ABCG5: variants seen among roughly 807,000 people sequenced by gnomAD.
The protein encoded by ABCG5 is ATP-binding cassette sub-family G member 5.
In ABCG5, 64 loss-of-function variants were observed where a neutral mutation model predicts 64.5. The ratio of observed to expected loss-of-function variants is 0.99; its 90% CI spans 0.81 to 1.22. ABCG5 has a LOEUF of 1.22. ABCG5 is among the 50% of genes most tolerant of loss of function. The pLI is 0.00. For missense variants in ABCG5, 908 were observed against 829.5 expected, an observed-to-expected ratio of 1.09 and a Z score of -1.16; for synonymous variants, 385 against 326.3, an observed-to-expected ratio of 1.18 and a Z score of -1.94.
At chr2:43,810,659 C>T (rs77745263), downstream of ABCG5, 3,776 of 327,312 alleles carry the variant, frequency 0.012, 92 homozygotes, top group African/African-American at 0.061. Flanking sequence ...GATAGCAAGC[C>T]ATCTGCTTAT....
At chr2:43,821,395 C>T (rs999441579) in intron 10 of ABCG5, among the ~76,000 whole-genome samples, 7 of 152,190 alleles carry the variant, frequency 4.6e-5, no homozygotes, top group Non-Finnish European at 8.8e-5. Flanking sequence ...ATGGCTCCAG[C>T]TACCTAATCT....
Position 43,819,969 on chromosome 2 carries a change from C to A in ABCG5, c.1595G>T (p.Ser532Ile). 6.2e-7 allele frequency: 1 copy of A among 1,614,198 alleles called. No homozygotes were observed. Among genetic ancestry groups the A allele is most frequent in the Non-Finnish European group, 8.5e-7 (1 of 1,180,046 alleles). The part of the protein sequence containing the change: ...GIVQNPNIVN[S>I]VVALLSIAGV... Reference sequence around the variant, plus strand: ...CGCAATGGACAGCAGAGCCACTACACTGTTGACTATATTTGGATTTTGGAC... The same window carrying A: ...CGCAATGGACAGCAGAGCCACTACAATGTTGACTATATTTGGATTTTGGAC... Residue 532 changes from serine (S) to isoleucine (I), a missense_variant, in exon 11 of 13, where the codon AGT becomes ATT. Ser to Ile is a moderately radical substitution (Grantham distance 142). Transcript: ENST00000405322.
intron 7 of ABCG5, 65 bp from the exon 8 acceptor site, chr2:43,824,497 C>T (rs1368987250): frequency 6.9e-6 from 11 of 1,601,272 alleles, no homozygotes; most frequent in Admixed American, 6.7e-5. Context: ...CATGGATATA[C>T]AATTGGTACA....
In ABCG5 at chr2:43,837,875, T is replaced by G. The variant is rs769363958; in HGVS notation, c.224A>C (p.Tyr75Ser). The change falls in exon 2 of 13, where the codon TAC becomes TCC. Residue 75 changes from tyrosine to serine, a missense_variant. Coordinates refer to ENST00000405322, the MANE Select transcript of ABCG5 (RefSeq NM_022436.3). ...TRQILKDVSL[Y>S]VESGQIMCIL... is the part of the protein sequence containing the mutation. The stretch of plus-strand genomic sequence containing the variant: ...GCACATGATCTGCCCGCTCTCCACG[T>G]ACAAGGAGACATCTTTGAGGATCTG... 6.2e-7 allele frequency: 1 copy of G among 1,614,112 alleles called. No individual in the cohort carries two copies. The highest frequency in any genetic ancestry group is 2.2e-5 in the East Asian group (1 of 44,878).
intron 6 of ABCG5, among the ~76,000 whole-genome samples, chr2:43,825,457 C>T (rs759207711): frequency 5.3e-5 from 8 of 152,028 alleles, no homozygotes; most frequent in African/African-American, 7.3e-5. Flanking sequence ...GGATACTGGG[C>T]GGAGAAAGTG....
chr2:43,824,132 AC>A lies in ABCG5; in HGVS notation c.1119-15del, dbSNP rs748930263. The A allele has an allele frequency of 1.2e-6, 2 of 1,614,092 alleles. No homozygotes were observed. Among genetic ancestry groups the A allele is most frequent in the East Asian group, 2.2e-5 (1 of 44,888 alleles). ...CTTGTCACTCTCCTGAAAACAAACA[AC>A]CCTGTTTTAATTCCTTTTCAGAATT... is the stretch of plus-strand genomic sequence containing the variant. On this transcript the variant is annotated splice_polypyrimidine_tract_variant and intron_variant, in intron 8 of 12. Transcript: ENST00000405322.
chr2:43,812,912 C>T lies in ABCG5; in HGVS notation c.*204G>A. On this transcript the variant is annotated 3_prime_UTR_variant, in exon 13 of 13. Coordinates refer to ENST00000405322, the MANE Select transcript of ABCG5 (RefSeq NM_022436.3). ...ATTTCCAAATAACCACATGTCCCTG[C>T]AAGTTGTAAGAGCAAGGGACTATAA... The T allele has an allele frequency of 1.7e-6, 1 of 577,246 alleles. No individual in the cohort carries two copies. 35.8% of individuals were successfully genotyped at this position (577,246 alleles called of 1,614,324 possible).
chr2:43,833,065 C>T (rs1393961505), intron 2 of ABCG5, among the ~76,000 whole-genome samples: 3 of 152,230 alleles, frequency 2.0e-5, no homozygotes, highest in South Asian at 2.1e-4. Context: ...CCGCCTCAGC[C>T]TCCCAAAGTG....
Position 43,838,411 on chromosome 2 carries a change from C to T in ABCG5, c.143+126G>A, listed in dbSNP as rs529259785. 18 of 892,690 alleles carry T rather than the reference C, an allele frequency of 2.0e-5. No homozygotes were observed. Among genetic ancestry groups the T allele is most frequent in the South Asian group, 1.7e-4 (10 of 59,884 alleles). The allele number at this position is 892,690 out of a possible 1,614,324, so 55.3% of individuals were successfully genotyped here. A position where few individuals can be genotyped will look rare whatever the true frequency, so the allele number is the denominator to read the frequency against. On this transcript the variant is annotated intron_variant, in intron 1 of 12. Coordinates refer to ENST00000405322, the MANE Select transcript of ABCG5 (RefSeq NM_022436.3). This position sits in a 1 kb window ranked among gnomAD's most constrained non-coding sequence, Gnocchi z 4.2. ...CCCTTCTCCCTCTCCTCTCTCCACC[C>T]GATCCACTAAAGAGGGAGCCCGAAG...
chr2:43,823,886 G>A, intron 9 of ABCG5, 27 bp downstream of exon 9: 1 of 1,610,820 alleles, frequency 6.2e-7, no homozygotes, highest in Non-Finnish European at 8.5e-7. Flanking sequence ...GGAGAAAGAG[G>A]TGCACCTCCA....
intron 4 of ABCG5, among the ~76,000 whole-genome samples, chr2:43,829,099 A>G (rs1475684793): frequency 6.6e-6 from 1 of 152,244 alleles, no homozygotes; most frequent in Non-Finnish European, 1.5e-5. Flanking sequence ...TGCAGGAGCC[A>G]TAGTCACTGC....
chr2:43,819,898 G>T lies in ABCG5; in HGVS notation c.1649+17C>A, dbSNP rs1280040684. On this transcript the variant is annotated intron_variant, in intron 11 of 12. Coordinates refer to ENST00000405322, the MANE Select transcript of ABCG5 (RefSeq NM_022436.3). ...CAGATTATCCCAATCTAAATTTTTT[G>T]AATTATGATATCTTACCTGAGGAAT... is the stretch of plus-strand genomic sequence containing the variant. The T allele has an allele frequency of 1.2e-6, 2 of 1,613,496 alleles. No homozygotes were observed. Among genetic ancestry groups the T allele is most frequent in the East Asian group, 4.5e-5 (2 of 44,884 alleles).
At chr2:43,833,631 G>A (rs969273182) in intron 2 of ABCG5, among the ~76,000 whole-genome samples, 2 of 151,744 alleles carry the variant, frequency 1.3e-5, no homozygotes, top group African/African-American at 2.4e-5. Flanking sequence ...TGATCTGCCC[G>A]CCTCAACCTC....
Position 43,831,950 on chromosome 2 carries a change from CAGGACGT to C in ABCG5, c.392_398del (p.Tyr131CysfsTer7), listed in dbSNP as rs1473612378. 6.5e-7 allele frequency: 1 copy of C among 1,549,728 alleles called. No individual in the cohort carries two copies. Among genetic ancestry groups the C allele is most frequent in the Non-Finnish European group, 8.7e-7 (1 of 1,146,980 alleles). ...GGGGTGTGGGGGACGCGCCCACCTGCAGGACGTAGGAGAAGCAGTCCTGGAACTGCTC... is the reference window on the plus strand; with the variant it reads ...GGGGTGTGGGGGACGCGCCCACCTGCAGGAGAAGCAGTCCTGGAACTGCTC... On this transcript the variant is annotated frameshift_variant, in exon 3 of 13. Coordinates refer to ENST00000405322, the MANE Select transcript of ABCG5 (RefSeq NM_022436.3). LOFTEE classifies it high-confidence loss of function.
At chr2:43,824,703 C>G (rs1324440040) in intron 7 of ABCG5, 186 bp downstream of exon 7, 1 of 942,114 alleles carries the variant, frequency 1.1e-6, no homozygotes, top group African/African-American at 1.8e-5. Context: ...AGAGAGATCC[C>G]TGACCTCATT....
chr2:43,809,101 A>C (rs1294360537), downstream of ABCG5, among the ~76,000 whole-genome samples: 3 of 151,712 alleles, frequency 2.0e-5, no homozygotes, highest in African/African-American at 7.3e-5. Context: ...CGATCCTCCC[A>C]CCTCAGACTC....
downstream of ABCG5, chr2:43,809,815 T>C: frequency 1.3e-6 from 2 of 1,563,142 alleles, no homozygotes; most frequent in Non-Finnish European, 1.7e-6. Flanking sequence ...CAAATACAAA[T>C]AAGATTATAC....
At chr2:43,814,452 T>C in intron 12 of ABCG5, 25 bp downstream of exon 12, 1 of 1,481,490 alleles carries the variant, frequency 6.7e-7, no homozygotes, top group East Asian at 2.3e-5. Flanking sequence ...CATGCAAAAA[T>C]AATATCCCCA....
intron 12 of ABCG5, among the ~76,000 whole-genome samples, chr2:43,814,065 A>G (rs114063863): frequency 0.022 from 3,302 of 152,106 alleles, 83 homozygotes; most frequent in African/African-American, 0.062. Context: ...TTCTACTTCC[A>G]TCTGGTGGGA....
Sources: allele counts gnomAD v4.1 joint callset (sites outside exome capture counted in the v4.1 genomes callset), GRCh38; gene constraint gnomAD v4.1.1; non-coding constraint Gnocchi (gnomAD v3.1); transcripts MANE v1.5; gene names NCBI Gene and HGNC (gene_info 2026-07-23, HGNC 2026-07-21).